The following GSE1 variants were observed in gnomAD, a reference collection of about 807,000 sequenced individuals.
GSE1 encodes Gse1 coiled-coil protein.
A neutral mutation model predicts 112.6 loss-of-function variants in GSE1; 32 were observed. That is an observed-to-expected ratio of 0.28 (90% CI 0.21 to 0.38). The LOEUF (loss-of-function observed/expected upper bound fraction) is 0.38. GSE1 is among the 10% of genes least tolerant of loss of function. The probability of loss-of-function intolerance (pLI) is 1.00; values close to 1 mark genes in which losing one functional copy is unlikely to be tolerated. For missense variants in GSE1, 2,348 were observed against 1,699.2 expected, an observed-to-expected ratio of 1.38 and a Z score of -6.71; for synonymous variants, 1,115 against 735.6, an observed-to-expected ratio of 1.52 and a Z score of -8.35.
At chr16:85,613,174 G>A, upstream of GSE1, 18 of 1,391,584 alleles carry the variant, frequency 1.3e-5, no homozygotes, top group Non-Finnish European at 1.6e-5. Context: ...AGCCGGGAGC[G>A]AGCCAGTGGC....
intron 1 of GSE1, among the ~76,000 whole-genome samples, chr16:85,334,894 G>GAGCT (rs1218951668): frequency 6.6e-6 from 1 of 152,032 alleles, no homozygotes; most frequent in Non-Finnish European, 1.5e-5. Flanking sequence ...ACCCGGAAGA[G>GAGCT]AGCTGCTCCA....
chr16:85,337,896 C>A (rs2046537914), intron 1 of GSE1, among the ~76,000 whole-genome samples: 1 of 152,252 alleles, frequency 6.6e-6, no homozygotes, highest in African/African-American at 2.4e-5. Flanking sequence ...TGGCCAAAGC[C>A]TCCGTATTGG....
chr16:85,446,260 G>A (rs906319343), intron 2 of GSE1, among the ~76,000 whole-genome samples: 1 of 152,212 alleles, frequency 6.6e-6, no homozygotes, highest in African/African-American at 2.4e-5. Flanking sequence ...TCAGTTGAAC[G>A]TGGGAGCTCT....
chr16:85,449,068 G>A (rs1051692788), intron 2 of GSE1, among the ~76,000 whole-genome samples: 2 of 152,286 alleles, frequency 1.3e-5, no homozygotes, highest in South Asian at 2.1e-4. Context: ...GGAGGGAGCC[G>A]GGCTGGAAAC....
intron 1 of GSE1, among the ~76,000 whole-genome samples, chr16:85,173,657 C>G (rs2074403494): frequency 6.6e-6 from 1 of 152,138 alleles, no homozygotes; most frequent in Admixed American, 6.6e-5. Flanking sequence ...TGCAAAGTAT[C>G]CAAATTCTGG....
chr16:85,548,227 CAA>C (rs1241025677), intron 2 of GSE1, among the ~76,000 whole-genome samples: 4 of 70,112 alleles, frequency 5.7e-5, no homozygotes, highest in Admixed American at 1.4e-4. Flanking sequence ...GACTCTTTCT[CAA>C]AAAAAAAAAA....
intron 2 of GSE1, among the ~76,000 whole-genome samples, chr16:85,473,446 C>G (rs1048089410): frequency 6.6e-6 from 1 of 152,098 alleles, no homozygotes; most frequent in Non-Finnish European, 1.5e-5. Context: ...TTGTTCTCTC[C>G]GAGTTCAGGA....
chr16:85,673,296 A>G lies in GSE1; in HGVS notation c.*757A>G, dbSNP rs1194646268. The G allele has an allele frequency of 6.6e-6, 1 of 152,584 alleles. No homozygotes were observed. Among genetic ancestry groups the G allele is most frequent in the East Asian group, 1.9e-4 (1 of 5,194 alleles). The allele number at this position is 152,584 out of a possible 1,614,324, so 9.5% of individuals were successfully genotyped here. On this transcript the variant is annotated 3_prime_UTR_variant, in exon 16 of 16. Transcript: ENST00000253458. ...TCATACAGACGTAAATTTTGAGAGA[A>G]AAGTCAAAGGTGCTTCAGCCTTGTA...
intron 2 of GSE1, among the ~76,000 whole-genome samples, chr16:85,409,437 AG>A (rs777586388): frequency 1.3e-4 from 2 of 14,986 alleles, no homozygotes; most frequent in African/African-American, 2.9e-4. Context: ...TGTTACACTC[AG>A]GGCCCCCCCG....
intron 1 of GSE1, among the ~76,000 whole-genome samples, chr16:85,219,732 T>C (rs9937386): frequency 0.26 from 39,505 of 152,194 alleles, 5,289 homozygotes; most frequent in East Asian, 0.31. Context: ...TCCAGAATTG[T>C]ATTTGGAGCC....
At chr16:85,617,363 T>C (rs916945682) in intron 1 of GSE1, among the ~76,000 whole-genome samples, 7 of 152,166 alleles carry the variant, frequency 4.6e-5, no homozygotes, top group African/African-American at 1.7e-4. Context: ...CTACCAGTCA[T>C]CTGTGGAAAG....
chr16:85,574,385 C>G (rs763898664), intron 1 of GSE1, among the ~76,000 whole-genome samples: 11 of 152,228 alleles, frequency 7.2e-5, no homozygotes, highest in Non-Finnish European at 2.9e-5. Flanking sequence ...TAGGAGGGCT[C>G]TTCTTGACAC....
intron 1 of GSE1, among the ~76,000 whole-genome samples, chr16:85,328,347 C>T (rs1160132195): frequency 1.3e-5 from 2 of 152,212 alleles, no homozygotes; most frequent in African/African-American, 2.4e-5. Flanking sequence ...GGTTCCCCTT[C>T]CCCAGCCACC....
intron 1 of GSE1, among the ~76,000 whole-genome samples, chr16:85,279,677 T>G (rs1321602752): frequency 2.0e-5 from 3 of 152,128 alleles, no homozygotes. Flanking sequence ...TTCCTCCCTG[T>G]GAAATGGTGC....
intron 1 of GSE1, among the ~76,000 whole-genome samples, chr16:85,312,808 G>A (rs1302226689): frequency 6.6e-6 from 1 of 151,850 alleles, no homozygotes; most frequent in Non-Finnish European, 1.5e-5. Flanking sequence ...AGGAGGAGGA[G>A]GTCTCGTCCA....
chr16:85,373,145 C>G lies in GSE1; in HGVS notation c.2464+15502C>G, dbSNP rs929354882. ...GACAGGCAGGTGTCAGCAACAGCAG[C>G]AGCCAATGTGGCCATGGGATGCCGG... On this transcript the variant is annotated intron_variant, in intron 2 of 2. Coordinates refer to the GSE1 transcript ENST00000637419. This position sits in a 1 kb window ranked among gnomAD's most constrained non-coding sequence, Gnocchi z 5.1. 6.6e-6 allele frequency among the ~76,000 whole-genome samples: 1 copy of G among 152,256 alleles called. No homozygotes were observed. The highest frequency in any genetic ancestry group is 2.4e-5 in the African/African-American group (1 of 41,476).
At chr16:85,400,891 G>A (rs1402830258) in intron 2 of GSE1, among the ~76,000 whole-genome samples, 3 of 152,040 alleles carry the variant, frequency 2.0e-5, no homozygotes, top group Admixed American at 6.6e-5. Context: ...GTGTGTGATT[G>A]TGGGTCTGTG....
chr16:85,185,099 G>A (rs1014077423), intron 1 of GSE1: 4 of 152,224 alleles, frequency 2.6e-5, no homozygotes, highest in East Asian at 1.9e-4. Context: ...TGGCACATTC[G>A]TGGTTGTTTT....
chr16:85,442,809 G>A (rs1419111090), intron 2 of GSE1, among the ~76,000 whole-genome samples: 2 of 152,214 alleles, frequency 1.3e-5, no homozygotes, highest in African/African-American at 4.8e-5. Flanking sequence ...TGACAGGAAT[G>A]CATCTCTCAC....
Sources: gnomAD v4.1 joint callset for allele counts (sites outside exome capture counted in the v4.1 genomes callset) on GRCh38, gnomAD v4.1.1 for gene constraint, Gnocchi (gnomAD v3.1) non-coding constraint, MANE v1.5 for transcripts, NCBI Gene and HGNC (gene_info 2026-07-23, HGNC 2026-07-21) for gene names.